Variants in FBXW7 observed in about 807,000 individuals in gnomAD.
FBXW7 encodes F-box/WD repeat-containing protein 7.
A neutral mutation model predicts 86.3 loss-of-function variants in FBXW7; 11 were observed. The ratio of observed to expected loss-of-function variants is 0.13; its 90% CI spans 0.08 to 0.21. FBXW7 has a LOEUF of 0.21. FBXW7 is among the 10% of genes least tolerant of loss of function. The probability of loss-of-function intolerance (pLI) is 1.00; values close to 1 mark genes in which losing one functional copy is unlikely to be tolerated. For missense variants in FBXW7, 488 were observed against 847.4 expected (o/e 0.58, Z 5.27); for synonymous variants, 313 against 297.9 (o/e 1.05, Z -0.52).
In FBXW7 at chr4:152,445,881, A is replaced by T. The variant is rs182937608; in HGVS notation, c.-119-33352T>A. Among the ~76,000 whole-genome samples the T allele has an allele frequency of 1.3e-4, 19 of 144,600 alleles. No individual in the cohort carries two copies. In the South Asian group the frequency reaches 3.1e-3, roughly 24 times the overall value. The allele number at this position is 144,600 out of a possible 152,430, so 94.9% of individuals were successfully genotyped here. On this transcript the variant is annotated intron_variant, in intron 2 of 13. Coordinates refer to ENST00000281708, the MANE Select transcript of FBXW7 (RefSeq NM_001349798.2). ...GCCAAGATCGCGCCACTGTACTCCAACCTGGGTGACACAGCAAGACTCTGT... is the reference window on the plus strand; with the variant it reads ...GCCAAGATCGCGCCACTGTACTCCATCCTGGGTGACACAGCAAGACTCTGT...
At chr4:152,354,130 T>C (rs1732129883) in intron 4 of FBXW7, among the ~76,000 whole-genome samples, 1 of 152,152 alleles carries the variant, frequency 6.6e-6, no homozygotes, top group Admixed American at 6.5e-5. Context: ...CAACATCTTT[T>C]ACTTTAAAAC....
intron 2 of FBXW7, among the ~76,000 whole-genome samples, chr4:152,474,084 C>T (rs1744189683): frequency 6.6e-6 from 1 of 152,170 alleles, no homozygotes; most frequent in African/African-American, 2.4e-5. Flanking sequence ...ATTAAGACAA[C>T]AGATCCCATC....
intron 4 of FBXW7, among the ~76,000 whole-genome samples, chr4:152,383,765 G>A (rs1391379457): frequency 2.0e-5 from 3 of 152,224 alleles, no homozygotes; most frequent in South Asian, 4.1e-4. Flanking sequence ...CTGCTGGGAA[G>A]GCAATCTATG....
chr4:152,508,115 T>C (rs962408377), intron 2 of FBXW7, among the ~76,000 whole-genome samples: 10 of 149,994 alleles, frequency 6.7e-5, no homozygotes, highest in Non-Finnish European at 1.5e-4. Flanking sequence ...GATGGAGACA[T>C]GTCAAAAGGA....
At chr4:152,465,996 T>G (rs1401094414) in intron 2 of FBXW7, among the ~76,000 whole-genome samples, 1 of 152,120 alleles carries the variant, frequency 6.6e-6, no homozygotes, top group Non-Finnish European at 1.5e-5. Flanking sequence ...TTATTTGAAG[T>G]TGACAAAGAA....
At position 152,380,324 on chromosome 4, in the gene FBXW7, A is replaced by C. The variant is rs577007201; in HGVS notation, c.502-30200T>G. 6.6e-5 allele frequency among the ~76,000 whole-genome samples: 10 copies of C among 152,132 alleles called. No individual in the cohort carries two copies. The South Asian group carries it at 2.1e-3, about 31-fold the overall frequency. On this transcript the variant is annotated intron_variant, in intron 4 of 13. Coordinates refer to ENST00000281708, the MANE Select transcript of FBXW7 (RefSeq NM_001349798.2). ...TAACACAGAAAATGTAAATCAACTA[A>C]CCATTTGCAAAAGGAAAGAAAGGAT...
chr4:152,491,944 G>A (rs1307067336), intron 2 of FBXW7, among the ~76,000 whole-genome samples: 1 of 152,014 alleles, frequency 6.6e-6, no homozygotes, highest in Non-Finnish European at 1.5e-5. Flanking sequence ...CTTCTTAGCT[G>A]TACAACTTTA....
chr4:152,478,598 G>C (rs1744620867), intron 2 of FBXW7, among the ~76,000 whole-genome samples: 1 of 152,016 alleles, frequency 6.6e-6, no homozygotes, highest in Non-Finnish European at 1.5e-5. Context: ...GAAATTGTTG[G>C]ATGATACAAT....
chr4:152,363,449 A>C (rs544123997), intron 4 of FBXW7, among the ~76,000 whole-genome samples: 2 of 152,222 alleles, frequency 1.3e-5, no homozygotes, highest in Non-Finnish European at 2.9e-5. Flanking sequence ...TTGACTAATA[A>C]GTGAAACTGC....
At chr4:152,444,871 G>T (rs1481004688) in intron 2 of FBXW7, among the ~76,000 whole-genome samples, 2 of 152,144 alleles carry the variant, frequency 1.3e-5, no homozygotes, top group Non-Finnish European at 2.9e-5. Flanking sequence ...TCACTCTGCT[G>T]TCCAGGCTGG....
chr4:152,476,476 A>C (rs1744417848), intron 2 of FBXW7, among the ~76,000 whole-genome samples: 1 of 152,200 alleles, frequency 6.6e-6, no homozygotes, highest in Non-Finnish European at 1.5e-5. Context: ...TCAAAATTAG[A>C]AACTTCTGTT....
At chr4:152,497,023 G>A (rs1746413580) in intron 2 of FBXW7, among the ~76,000 whole-genome samples, 1 of 152,056 alleles carries the variant, frequency 6.6e-6, no homozygotes, top group South Asian at 2.1e-4. Context: ...TTTAAACAAT[G>A]TTAAAAACCG....
chr4:152,452,223 G>C (rs1741971819), intron 2 of FBXW7, among the ~76,000 whole-genome samples: 1 of 152,064 alleles, frequency 6.6e-6, no homozygotes, highest in Admixed American at 6.5e-5. Flanking sequence ...TTCTAACAGG[G>C]TAAATATCAA....
chr4:152,492,959 C>T lies in FBXW7; in HGVS notation c.-120+41982G>A, dbSNP rs1745998924. 2.6e-5 allele frequency among the ~76,000 whole-genome samples: 4 copies of T among 151,574 alleles called. No individual in the cohort carries two copies. The South Asian group carries it at 8.3e-4, about 32-fold the overall frequency. On this transcript the variant is annotated intron_variant, in intron 2 of 13. Coordinates refer to ENST00000281708, the MANE Select transcript of FBXW7 (RefSeq NM_001349798.2). ...GTGCTGGAACAACAGGTATGCAGTT[C>T]CTTCATAAATGGAAATCAAAGTGGT...
chr4:152,524,297 T>A (rs557086393), intron 2 of FBXW7, among the ~76,000 whole-genome samples: 8 of 152,276 alleles, frequency 5.3e-5, no homozygotes, highest in African/African-American at 1.9e-4. Flanking sequence ...TCAGCTACTA[T>A]GTCACATATA....
At chr4:152,377,984 C>T (rs1393260561) in intron 4 of FBXW7, among the ~76,000 whole-genome samples, 3 of 152,118 alleles carry the variant, frequency 2.0e-5, no homozygotes, top group African/African-American at 4.8e-5. Context: ...CTGTTTTTCA[C>T]TGTTTTTATA....
At chr4:152,522,225 T>C (rs1180487415) in intron 2 of FBXW7, among the ~76,000 whole-genome samples, 1 of 152,164 alleles carries the variant, frequency 6.6e-6, no homozygotes, top group East Asian at 1.9e-4. Flanking sequence ...AAGCCCTCTA[T>C]TCATAATACA....
At chr4:152,348,642 G>A in intron 5 of FBXW7, 1 of 747,640 alleles carries the variant, frequency 1.3e-6, no homozygotes, top group Non-Finnish European at 1.8e-6. Context: ...TTTATTCTAA[G>A]CTGCCTTAAA....
At chr4:152,471,423 G>C (rs1289806671) in intron 2 of FBXW7, among the ~76,000 whole-genome samples, 1 of 139,152 alleles carries the variant, frequency 7.2e-6, no homozygotes, top group East Asian at 2.1e-4. Context: ...GAAGGAAAAA[G>C]GGAAGGAAGG....
Sources: gnomAD v4.1 joint callset for allele counts (sites outside exome capture counted in the v4.1 genomes callset) on GRCh38, gnomAD v4.1.1 for gene constraint, MANE v1.5 for transcripts, NCBI Gene and HGNC (gene_info 2026-07-23, HGNC 2026-07-21) for gene names.